Variants in DCLK1 observed in about 807,000 individuals in gnomAD.
The protein encoded by DCLK1 is serine/threonine-protein kinase DCLK1.
A neutral mutation model predicts 86.2 loss-of-function variants in DCLK1; 16 were observed. That is an observed-to-expected ratio of 0.19 (90% CI 0.13 to 0.28). DCLK1 has a LOEUF of 0.28. DCLK1 is among the 10% of genes least tolerant of loss of function. DCLK1 has a pLI of 1.00. For synonymous variants in DCLK1, 369 were observed against 370.5 expected, an observed-to-expected ratio of 1.00 and a Z score of 0.05; for missense variants, 590 against 940.2, an observed-to-expected ratio of 0.63 and a Z score of 4.87.
At chr13:35,955,673 T>C (rs1877940320) in intron 3 of DCLK1, among the ~76,000 whole-genome samples, 1 of 152,166 alleles carries the variant, frequency 6.6e-6, no homozygotes, top group Admixed American at 6.5e-5. Context: ...TTTGGACAAC[T>C]ATTTAACATC....
chr13:35,856,164 G>A (rs1483830229), intron 5 of DCLK1, among the ~76,000 whole-genome samples: 3 of 152,284 alleles, frequency 2.0e-5, no homozygotes, highest in East Asian at 3.9e-4. Flanking sequence ...AACCTAAAAA[G>A]CTATGAATTT....
intron 3 of DCLK1, among the ~76,000 whole-genome samples, chr13:36,021,493 A>G (rs992772187): frequency 2.0e-5 from 3 of 152,032 alleles, no homozygotes; most frequent in Non-Finnish European, 4.4e-5. Context: ...AATACATGCT[A>G]TCTACAAAAT....
chr13:36,088,398 A>G (rs1211447454), intron 3 of DCLK1, among the ~76,000 whole-genome samples: 1 of 152,184 alleles, frequency 6.6e-6, no homozygotes, highest in Non-Finnish European at 1.5e-5. Context: ...GTACTTCAGG[A>G]GCAGCCTCAT....
intron 4 of DCLK1, among the ~76,000 whole-genome samples, chr13:35,934,880 T>C (rs551410321): frequency 1.3e-5 from 2 of 152,212 alleles, no homozygotes; most frequent in South Asian, 4.1e-4. Flanking sequence ...GTGATTATTA[T>C]TCACAAGCTA....
intron 4 of DCLK1, among the ~76,000 whole-genome samples, chr13:35,943,448 A>G (rs535778633): frequency 1.3e-5 from 2 of 152,310 alleles, no homozygotes; most frequent in South Asian, 4.1e-4. Flanking sequence ...TTCAGCATCT[A>G]AGCAAAACAA....
chr13:35,812,762 G>T (rs555593919), intron 11 of DCLK1, among the ~76,000 whole-genome samples: 4 of 152,272 alleles, frequency 2.6e-5, no homozygotes, highest in African/African-American at 7.2e-5. Flanking sequence ...ATCAAGTTTG[G>T]GCTGCCCTCT....
chr13:35,846,453 T>A (rs752558561), intron 6 of DCLK1: 9 of 985,348 alleles, frequency 9.1e-6, no homozygotes, highest in Non-Finnish European at 1.1e-5. Flanking sequence ...AGGTATTACA[T>A]GCATCATTTA....
chr13:35,801,049 T>C (rs1302479590), intron 15 of DCLK1, among the ~76,000 whole-genome samples: 1 of 152,112 alleles, frequency 6.6e-6, no homozygotes, highest in South Asian at 2.1e-4. Context: ...ATTCCAAGTA[T>C]GCCAAGTAAA....
intron 4 of DCLK1, among the ~76,000 whole-genome samples, chr13:35,936,962 C>CTTTTTTTTTGTTTTTTTTT (rs1876788091): frequency 1.5e-5 from 1 of 65,712 alleles, no homozygotes; most frequent in Non-Finnish European, 3.0e-5. Context: ...GAAAAGTTAG[C>CTTTTTTTTTGTTTTTTTTT]TTTTTTTTTT....
At position 35,977,267 on chromosome 13, in the gene DCLK1, G is replaced by A. The variant is rs1879396227; in HGVS notation, c.724-29810C>T. 2.0e-5 allele frequency among the ~76,000 whole-genome samples: 3 copies of A among 152,276 alleles called. No individual in the cohort carries two copies. The South Asian group carries it at 6.2e-4, about 32-fold the overall frequency. The stretch of plus-strand genomic sequence containing the variant: ...CAGCTGATTATGTTCCCAACTCAGA[G>A]TGTCTGGGCAGATTGGGCAAGTTTT... On this transcript the variant is annotated intron_variant, in intron 3 of 16. Coordinates refer to ENST00000360631, the MANE Select transcript of DCLK1 (RefSeq NM_001330071.2).
chr13:35,958,812 T>C (rs1878290101), intron 3 of DCLK1, among the ~76,000 whole-genome samples: 1 of 152,244 alleles, frequency 6.6e-6, no homozygotes, highest in African/African-American at 2.4e-5. Context: ...CTAAAGACAT[T>C]TACATGGCTT....
At chr13:35,810,187 G>C (rs192637122) in intron 12 of DCLK1, among the ~76,000 whole-genome samples, 4 of 152,302 alleles carry the variant, frequency 2.6e-5, no homozygotes, top group Non-Finnish European at 5.9e-5. Context: ...TAACCCATTA[G>C]AGTTTCAATT....
intron 8 of DCLK1, among the ~76,000 whole-genome samples, chr13:35,830,711 T>C (rs576401186): frequency 8.0e-4 from 122 of 152,344 alleles, no homozygotes; most frequent in African/African-American, 2.8e-3. Context: ...TTGCACTGCC[T>C]GCCTGGGTAA....
intron 5 of DCLK1, chr13:35,869,186 A>G: frequency 4.1e-6 from 2 of 485,762 alleles, no homozygotes; most frequent in South Asian, 1.5e-5. Context: ...CAGCTGGACA[A>G]GCTCAGTTCT....
At chr13:36,108,097 C>T (rs1317739403) in intron 3 of DCLK1, among the ~76,000 whole-genome samples, 1 of 151,388 alleles carries the variant, frequency 6.6e-6, no homozygotes, top group African/African-American at 2.4e-5. Flanking sequence ...AAATGCATCA[C>T]TGAAATTAAG....
rs202117078 is a variant in DCLK1, at chr13:36,111,884, C to T, written c.708G>A (p.Thr236=). Residue 236 remains threonine, a synonymous_variant, in exon 3 of 17, where the codon ACG becomes ACA. Coordinates refer to ENST00000360631, the MANE Select transcript of DCLK1 (RefSeq NM_001330071.2). The part of the protein sequence containing the change: ...LDSGVVKRLY[T]LDGKQVMCLQ... ...TGTCTCTTACCTGTTTCCCATCCAACGTGTACAGGCGTTTCACCACTCCCG... is the reference window on the plus strand; with the variant it reads ...TGTCTCTTACCTGTTTCCCATCCAATGTGTACAGGCGTTTCACCACTCCCG... 526 of 1,612,206 alleles carry T rather than the reference C, an allele frequency of 3.3e-4. No individual in the cohort carries two copies. The highest frequency in any genetic ancestry group is 1.0e-3 in the African/African-American group (76 of 75,024).
chr13:35,833,329 AG>A (rs2153107020), intron 8 of DCLK1, among the ~76,000 whole-genome samples: 1 of 152,256 alleles, frequency 6.6e-6, no homozygotes, highest in African/African-American at 2.4e-5. Context: ...TAGGGATGAA[AG>A]GCATCTCACA....
chr13:36,045,332 G>GTATATA (rs1174545505), intron 3 of DCLK1, among the ~76,000 whole-genome samples: 227 of 55,656 alleles, frequency 4.1e-3, no homozygotes, highest in African/African-American at 5.9e-3. Flanking sequence ...GTGTGTGTGT[G>GTATATA]TATATATATA....
At chr13:35,828,159 A>G (rs758387685) in intron 9 of DCLK1, 91 bp downstream of exon 9, 49 of 1,067,158 alleles carry the variant, frequency 4.6e-5, no homozygotes, top group Non-Finnish European at 5.7e-5. Context: ...TTCAACCCTT[A>G]GGGTGAACTT....
Sources: gnomAD v4.1 joint callset for allele counts (sites outside exome capture counted in the v4.1 genomes callset) on GRCh38, gnomAD v4.1.1 for gene constraint, MANE v1.5 for transcripts, NCBI Gene and HGNC (gene_info 2026-07-23, HGNC 2026-07-21) for gene names.